SGSM1: variants seen among roughly 807,000 people sequenced by gnomAD.
SGSM1 encodes RUN and TBC1 domain containing 2.
In SGSM1, 73 loss-of-function variants were observed where a neutral mutation model predicts 133.8. That is an observed-to-expected ratio of 0.55 (90% confidence interval 0.45 to 0.66). The LOEUF is 0.66. SGSM1 is among the 30% of genes least tolerant of loss of function. SGSM1 has a pLI of 0.00. For synonymous variants in SGSM1, 563 were observed against 573.0 expected, an observed-to-expected ratio of 0.98 and a Z score of 0.25; for missense variants, 1,213 against 1,448.1, an observed-to-expected ratio of 0.84 and a Z score of 2.64.
At chr22:24,852,525 C>T (rs1930538805) in intron 5 of SGSM1, among the ~76,000 whole-genome samples, 1 of 152,162 alleles carries the variant, frequency 6.6e-6, no homozygotes, top group Non-Finnish European at 1.5e-5. Context: ...CTCACTGCAA[C>T]CTCTGCGTCC....
chr22:24,872,300 G>A (rs901227062), intron 12 of SGSM1, among the ~76,000 whole-genome samples: 1 of 152,202 alleles, frequency 6.6e-6, no homozygotes, highest in Non-Finnish European at 1.5e-5. Context: ...GCAAGGACAA[G>A]TTCCAAAATA....
At chr22:24,881,664 T>C (rs754752339) in intron 14 of SGSM1, among the ~76,000 whole-genome samples, 2 of 152,164 alleles carry the variant, frequency 1.3e-5, no homozygotes, top group African/African-American at 2.4e-5. Context: ...CAGCGTGTGT[T>C]GTGTAAGTGT....
intron 2 of SGSM1, among the ~76,000 whole-genome samples, chr22:24,836,082 A>G (rs770386921): frequency 5.9e-5 from 9 of 152,134 alleles, no homozygotes; most frequent in Non-Finnish European, 1.2e-4. Context: ...GATAAACTCT[A>G]TACCCATTAA....
chr22:24,905,857 G>A (rs1309465583), intron 21 of SGSM1, among the ~76,000 whole-genome samples: 5 of 150,954 alleles, frequency 3.3e-5, no homozygotes, highest in Admixed American at 6.6e-5. Context: ...CTTCAAAAAC[G>A]TAGAAAAGGA....
chr22:24,895,349 C>T, intron 18 of SGSM1, 58 bp downstream of exon 18: 2 of 1,554,058 alleles, frequency 1.3e-6, no homozygotes, highest in African/African-American at 1.4e-5. Context: ...TGCCTGGGGT[C>T]ATGGGGGTTG....
At chr22:24,858,861 G>T (rs985798228) in intron 8 of SGSM1, among the ~76,000 whole-genome samples, 2 of 152,222 alleles carry the variant, frequency 1.3e-5, no homozygotes, top group Non-Finnish European at 2.9e-5. Flanking sequence ...TAACAACCAT[G>T]CCCAAAACTT....
At chr22:24,848,707 G>A (rs767557655) in intron 4 of SGSM1, among the ~76,000 whole-genome samples, 14 of 152,240 alleles carry the variant, frequency 9.2e-5, no homozygotes, top group East Asian at 3.8e-4. Flanking sequence ...GTGATTGGGC[G>A]TTCTGGGGAA....
In SGSM1 at chr22:24,924,559, T is replaced by A; in HGVS notation, c.*285T>A. ...GAGGTTGTTGGTGGAGGAGGAGCCA[T>A]CTTTGTTTGCTGGTGCCCGGAATGG... On this transcript the variant is annotated 3_prime_UTR_variant, in exon 25 of 25. Transcript: ENST00000400358. 2.2e-6 allele frequency: 1 copy of A among 458,860 alleles called. No homozygotes were observed. Among genetic ancestry groups the A allele is most frequent in the South Asian group, 2.7e-5 (1 of 37,650 alleles). 28.4% of individuals were successfully genotyped at this position (458,860 alleles called of 1,614,324 possible). A position where few individuals can be genotyped will look rare whatever the true frequency, so the allele number is the denominator to read the frequency against.
intron 16 of SGSM1, among the ~76,000 whole-genome samples, chr22:24,890,246 A>C (rs180857077): frequency 6.6e-6 from 1 of 151,800 alleles, no homozygotes; most frequent in South Asian, 2.1e-4. Flanking sequence ...ATGAGCCACC[A>C]CGCCCGGACT....
chr22:24,898,622 T>C, intron 19 of SGSM1, 63 bp downstream of exon 19: 2 of 1,463,196 alleles, frequency 1.4e-6, no homozygotes, highest in Non-Finnish European at 1.9e-6. Context: ...TGGGATGTAC[T>C]ACAAGCCTGT....
intron 21 of SGSM1, among the ~76,000 whole-genome samples, chr22:24,908,064 A>G (rs377233108): frequency 6.6e-6 from 1 of 152,162 alleles, no homozygotes; most frequent in East Asian, 1.9e-4. Context: ...AAGCCCTTAC[A>G]TTGATGGTCA....
At chr22:24,840,868 TAAGAC>T (rs1473555107) in intron 2 of SGSM1, among the ~76,000 whole-genome samples, 1 of 152,184 alleles carries the variant, frequency 6.6e-6, no homozygotes, top group Non-Finnish European at 1.5e-5. Context: ...TTTTGTTTTT[TAAGAC>T]GGAGTCTCGC....
intron 24 of SGSM1, among the ~76,000 whole-genome samples, chr22:24,922,188 T>C (rs1478727103): frequency 6.9e-6 from 1 of 145,068 alleles, no homozygotes; most frequent in Non-Finnish European, 1.5e-5. Flanking sequence ...TCTTTTTTTT[T>C]TTTTTTTTTT....
At chr22:24,841,064 A>C (rs1030607297) in intron 2 of SGSM1, among the ~76,000 whole-genome samples, 11 of 151,828 alleles carry the variant, frequency 7.2e-5, no homozygotes, top group Non-Finnish European at 1.0e-4. Context: ...GTTAGCCAAG[A>C]TGGTCTCGAT....
chr22:24,898,769 T>C (rs1019242885), intron 19 of SGSM1, among the ~76,000 whole-genome samples: 4 of 152,230 alleles, frequency 2.6e-5, no homozygotes, highest in Non-Finnish European at 4.4e-5. Context: ...GGCTCACACC[T>C]GTAATCCCAG....
At chr22:24,872,562 G>C (rs1381225082) in intron 12 of SGSM1, among the ~76,000 whole-genome samples, 2 of 152,170 alleles carry the variant, frequency 1.3e-5, no homozygotes, top group Non-Finnish European at 2.9e-5. Flanking sequence ...GACTAGGTTA[G>C]ACAAAATATA....
intron 15 of SGSM1, 114 bp from the exon 16 acceptor site, chr22:24,886,486 T>C (rs1446936572): frequency 1.8e-5 from 24 of 1,360,662 alleles, no homozygotes; most frequent in Non-Finnish European, 2.4e-5. Flanking sequence ...GGCAGATCAC[T>C]GAAGGTCAGG....
At chr22:24,807,734 G>A (rs1429063384) in intron 2 of SGSM1, among the ~76,000 whole-genome samples, 1 of 152,116 alleles carries the variant, frequency 6.6e-6, no homozygotes, top group Admixed American at 6.5e-5. Flanking sequence ...GTGCATGTGT[G>A]TGTATGTGTT....
intron 2 of SGSM1, among the ~76,000 whole-genome samples, chr22:24,825,933 G>A (rs12169106): frequency 0.012 from 1,858 of 152,258 alleles, 37 homozygotes; most frequent in East Asian, 0.08. Context: ...GAGGTGGGGC[G>A]CTCTGATTCA....
Sources: allele counts gnomAD v4.1 joint callset (sites outside exome capture counted in the v4.1 genomes callset), GRCh38; gene constraint gnomAD v4.1.1; transcripts MANE v1.5; gene names NCBI Gene and HGNC (gene_info 2026-07-23, HGNC 2026-07-21).